SGTA: variants seen among roughly 807,000 people sequenced by gnomAD.
SGTA encodes small glutamine-rich tetratricopeptide repeat-containing protein alpha.
Under a neutral mutation model 44.3 loss-of-function variants are expected in SGTA, and 22 were observed. That is an observed-to-expected ratio of 0.50 (90% CI 0.36 to 0.71). The LOEUF is 0.71. Among genes scored for constraint, SGTA ranks in the 30% least tolerant of loss-of-function variants. The probability of loss-of-function intolerance (pLI) is 0.00; values close to 1 mark genes in which losing one functional copy is unlikely to be tolerated. For synonymous variants in SGTA, 174 were observed against 177.6 expected, an observed-to-expected ratio of 0.98 and a Z score of 0.16; for missense variants, 341 against 435.9, an observed-to-expected ratio of 0.78 and a Z score of 1.94.
chr19:2,766,509 T>C (rs1157046821), intron 4 of SGTA, among the ~76,000 whole-genome samples: 2 of 152,066 alleles, frequency 1.3e-5, no homozygotes, highest in South Asian at 2.1e-4. Flanking sequence ...CTGGACTCAC[T>C]GCAACCTCCG....
chr19:2,760,872 G>A (rs897034965), intron 8 of SGTA, among the ~76,000 whole-genome samples: 1 of 152,200 alleles, frequency 6.6e-6, no homozygotes, highest in Non-Finnish European at 1.5e-5. Context: ...TGAGGCTGTG[G>A]GAGCCTGAAG....
intron 9 of SGTA, among the ~76,000 whole-genome samples, chr19:2,758,268 C>T (rs1914884384): frequency 6.6e-6 from 1 of 152,162 alleles, no homozygotes; most frequent in South Asian, 2.1e-4. Flanking sequence ...GTGGCTCACA[C>T]CTGTCATCCC....
At chr19:2,760,517 C>CAAAAAAAAAAA (rs58836148) in intron 8 of SGTA, among the ~76,000 whole-genome samples, 2 of 51,634 alleles carry the variant, frequency 3.9e-5, no homozygotes, top group African/African-American at 6.9e-5. Context: ...GACTCCATCT[C>CAAAAAAAAAAA]AAAAAAAAAA....
At chr19:2,759,358 A>T in intron 8 of SGTA, 64 bp from the exon 9 acceptor site, 7 of 1,488,822 alleles carry the variant, frequency 4.7e-6, no homozygotes, top group Non-Finnish European at 5.6e-6. Flanking sequence ...CTTTCATCAG[A>T]CACTTTCCAT....
intron 5 of SGTA, among the ~76,000 whole-genome samples, chr19:2,764,968 C>T (rs1233369435): frequency 1.3e-5 from 2 of 152,152 alleles, no homozygotes; most frequent in East Asian, 1.9e-4. Context: ...CCCATGGCCT[C>T]CCAGAGTGCT....
rs115616415 is a variant in SGTA, at chr19:2,755,896, G to A, written c.*44C>T. The A allele has an allele frequency of 2.0e-6, 2 of 985,564 alleles. No homozygotes were observed. The highest frequency in any genetic ancestry group is 6.2e-5 in the Admixed American group (1 of 16,246). 61.1% of individuals were successfully genotyped at this position (985,564 alleles called of 1,614,324 possible). A position where few individuals can be genotyped will look rare whatever the true frequency, so the allele number is the denominator to read the frequency against. ...GGCAGACAACCAGAAGGCTTCCTTC[G>A]GGTCGGCCAGGGAAGGACGCGGTCA... is the stretch of plus-strand genomic sequence containing the variant. On this transcript the variant is annotated 3_prime_UTR_variant, in exon 12 of 12. Coordinates refer to ENST00000221566, the MANE Select transcript of SGTA (RefSeq NM_003021.4). This position sits in a 1 kb window ranked among gnomAD's most constrained non-coding sequence, Gnocchi z 5.2.
chr19:2,759,759 G>A (rs747358575), intron 8 of SGTA, among the ~76,000 whole-genome samples: 5 of 152,076 alleles, frequency 3.3e-5, no homozygotes, highest in Non-Finnish European at 7.4e-5. Context: ...TCAGGAGTTC[G>A]AGACCAGCCT....
At chr19:2,777,119 T>A (rs548087466) in intron 1 of SGTA, among the ~76,000 whole-genome samples, 1 of 149,278 alleles carries the variant, frequency 6.7e-6, no homozygotes, top group South Asian at 2.1e-4. Context: ...GTCGTAGTGG[T>A]GCGCGCCTGT....
chr19:2,762,465 C>T (rs772011816), intron 7 of SGTA, 41 bp downstream of exon 7: 2 of 1,609,352 alleles, frequency 1.2e-6, no homozygotes, highest in Non-Finnish European at 1.7e-6. Context: ...CCCACACAGT[C>T]AGCTCGGCGT....
In SGTA at chr19:2,779,677, G is replaced by A. The variant is rs139947905; in HGVS notation, c.-24+3556C>T. Among the ~76,000 whole-genome samples the A allele has an allele frequency of 9.7e-3, 1,475 of 152,334 alleles. 23 individuals carry two copies. The highest frequency in any genetic ancestry group is 0.019 in the East Asian group (101 of 5,182). On this transcript the variant is annotated intron_variant, in intron 1 of 11. Transcript: ENST00000221566. ...GAGGGTGCTGGCCCATGGGGGTGGCGCCAGCTCCAATGTTGGGGGCTTCAG... is the reference window on the plus strand; with the variant it reads ...GAGGGTGCTGGCCCATGGGGGTGGCACCAGCTCCAATGTTGGGGGCTTCAG...
intron 9 of SGTA, among the ~76,000 whole-genome samples, chr19:2,758,226 A>G (rs964523278): frequency 6.6e-6 from 1 of 152,176 alleles, no homozygotes; most frequent in Non-Finnish European, 1.5e-5. Flanking sequence ...CTGGGAAACC[A>G]TGCTTTAAGA....
At chr19:2,769,405 C>T (rs901625323) in intron 1 of SGTA, among the ~76,000 whole-genome samples, 3 of 152,168 alleles carry the variant, frequency 2.0e-5, no homozygotes, top group Admixed American at 1.3e-4. Context: ...ACGGAGGTCC[C>T]CTCCGCCCCT....
In SGTA at chr19:2,765,781, T is replaced by C. The variant is rs1915121934; in HGVS notation, c.293-496A>G. On this transcript the variant is annotated intron_variant, in intron 4 of 11. Transcript: ENST00000221566. This position sits in a 1 kb window ranked among gnomAD's most constrained non-coding sequence, Gnocchi z 5.5. Reference sequence around the variant, plus strand: ...ACGGTAAAAACCCCAGCTGCTATCCTAGAACTGAGAGCCCTGAAGACAGAA... The same window carrying C: ...ACGGTAAAAACCCCAGCTGCTATCCCAGAACTGAGAGCCCTGAAGACAGAA... 6.6e-6 allele frequency among the ~76,000 whole-genome samples: 1 copy of C among 152,106 alleles called. No homozygotes were observed. Among genetic ancestry groups the C allele is most frequent in the Non-Finnish European group, 1.5e-5 (1 of 68,008 alleles).
chr19:2,766,540 C>A (rs1599501441), intron 4 of SGTA, among the ~76,000 whole-genome samples: 1 of 152,068 alleles, frequency 6.6e-6, no homozygotes, highest in East Asian at 1.9e-4. Flanking sequence ...TCAAGCAACT[C>A]TCCTGCCTCA....
chr19:2,760,273 C>T (rs1038787469), intron 8 of SGTA, among the ~76,000 whole-genome samples: 1 of 151,926 alleles, frequency 6.6e-6, no homozygotes, highest in Non-Finnish European at 1.5e-5. Context: ...AATCCCAGCA[C>T]TTTGGGGGGC....
intron 9 of SGTA, among the ~76,000 whole-genome samples, chr19:2,759,008 G>A (rs186671644): frequency 3.3e-5 from 5 of 152,214 alleles, no homozygotes; most frequent in Non-Finnish European, 7.4e-5. Context: ...AGCTGAGGGG[G>A]AAGGGGCTTC....
intron 1 of SGTA, among the ~76,000 whole-genome samples, chr19:2,769,391 C>T (rs1019779054): frequency 9.9e-5 from 15 of 152,118 alleles, no homozygotes; most frequent in South Asian, 4.1e-4. Context: ...GGTACTGAGG[C>T]GCCACGGAGG....
In SGTA at chr19:2,759,438, A is replaced by G; in HGVS notation, c.700-144T>C. 1.4e-5 allele frequency: 10 copies of G among 726,246 alleles called. No individual in the cohort carries two copies. In the South Asian group the frequency reaches 1.7e-4, roughly 12 times the overall value. 45.0% of individuals were successfully genotyped at this position (726,246 alleles called of 1,614,324 possible). On this transcript the variant is annotated intron_variant, in intron 8 of 11. Coordinates refer to ENST00000221566, the MANE Select transcript of SGTA (RefSeq NM_003021.4). ...AAGAGCCGGGCATTCGGTCTTTCAT[A>G]CCCTTTTCCCTACATTTTCGCCCCC...
intron 6 of SGTA, 120 bp from the exon 7 acceptor site, chr19:2,762,764 T>G: frequency 8.4e-7 from 1 of 1,185,238 alleles, no homozygotes; most frequent in Non-Finnish European, 1.2e-6. Context: ...TGCCACCCCC[T>G]GCCCGCTGTC....
Sources: gnomAD v4.1 joint callset for allele counts (sites outside exome capture counted in the v4.1 genomes callset) on GRCh38, gnomAD v4.1.1 for gene constraint, Gnocchi (gnomAD v3.1) non-coding constraint, MANE v1.5 for transcripts, NCBI Gene and HGNC (gene_info 2026-07-23, HGNC 2026-07-21) for gene names.